The following ZNF713 variants were observed in gnomAD, a reference collection of about 807,000 sequenced individuals.
ZNF713 encodes zinc finger protein 713.
ZNF713 carries 21 observed loss-of-function variants against 28.7 expected under a neutral mutation model. The observed-to-expected ratio is 0.73, with a 90% CI of 0.52 to 1.05. The LOEUF is 1.05. Ranked by LOEUF, ZNF713 falls within the 50% of genes least tolerant of loss-of-function variation. ZNF713 has a pLI of 0.00. For synonymous variants in ZNF713, 167 were observed against 178.0 expected (o/e 0.94, Z 0.49); for missense variants, 458 against 532.4 (o/e 0.86, Z 1.37).
At chr7:55,903,465 T>A (rs1486446269) in intron 1 of ZNF713, among the ~76,000 whole-genome samples, 2 of 149,480 alleles carry the variant, frequency 1.3e-5, no homozygotes, top group Non-Finnish European at 3.0e-5. Flanking sequence ...AGGTCAGGAG[T>A]TCAAGACCAG....
rs1562751744 is a variant in ZNF713 at position 55,940,357 on chromosome 7, C to A, written c.*351C>A. Reference sequence around the variant, plus strand: ...CAGGCTGGTCTCGAACTCCTAACCTCAGGTGATCCGCCCACCTCGGCCTCC... The same window carrying A: ...CAGGCTGGTCTCGAACTCCTAACCTAAGGTGATCCGCCCACCTCGGCCTCC... On this transcript the variant is annotated 3_prime_UTR_variant, in exon 7 of 7. Transcript: ENST00000429591. 1.3e-6 allele frequency: 1 copy of A among 762,678 alleles called. No individual in the cohort carries two copies. The highest frequency in any genetic ancestry group is 7.0e-4 in the Middle Eastern group (1 of 1,438). The allele number at this position is 762,678 out of a possible 1,614,324, so 47.2% of individuals were successfully genotyped here. A position where few individuals can be genotyped will look rare whatever the true frequency, so the allele number is the denominator to read the frequency against.
intron 1 of ZNF713, among the ~76,000 whole-genome samples, chr7:55,888,309 C>G (rs917968750): frequency 3.3e-5 from 5 of 152,142 alleles, no homozygotes; most frequent in African/African-American, 9.7e-5. Flanking sequence ...TCCGTTGAGT[C>G]ACTTTTCCAC....
intron 1 of ZNF713, among the ~76,000 whole-genome samples, chr7:55,903,283 C>A (rs1337035423): frequency 1.3e-5 from 2 of 151,976 alleles, no homozygotes; most frequent in African/African-American, 2.4e-5. Flanking sequence ...ACCAGATAGA[C>A]CAGGTTCCTA....
chr7:55,895,555 A>G (rs1033857274), intron 1 of ZNF713, among the ~76,000 whole-genome samples: 1 of 132,930 alleles, frequency 7.5e-6, no homozygotes, highest in Non-Finnish European at 1.5e-5. Context: ...TGTAACCTCC[A>G]TCTCCTGGTT....
intron 6 of ZNF713, among the ~76,000 whole-genome samples, chr7:55,930,552 A>G (rs1786189568): frequency 6.6e-6 from 1 of 152,204 alleles, no homozygotes; most frequent in South Asian, 2.1e-4. Flanking sequence ...GCTTGAGCTC[A>G]GGAGTTCAGG....
At chr7:55,936,433 G>A (rs1786347778) in intron 6 of ZNF713, among the ~76,000 whole-genome samples, 1 of 152,098 alleles carries the variant, frequency 6.6e-6, no homozygotes, top group African/African-American at 2.4e-5. Flanking sequence ...AGTTTCCCAT[G>A]ACAGTTCCTG....
intron 6 of ZNF713, among the ~76,000 whole-genome samples, chr7:55,929,042 G>T (rs553321432): frequency 1.3e-5 from 2 of 151,892 alleles, no homozygotes; most frequent in East Asian, 3.9e-4. Context: ...AAAGGCTGAA[G>T]CAGGAGGATC....
rs71533249 is a variant in ZNF713, at chr7:55,927,896, C to CAAAAAAAAAAAAAAAAAAAA, written c.307+4202_307+4221dup. 6.7e-5 allele frequency among the ~76,000 whole-genome samples: 3 copies of CAAAAAAAAAAAAAAAAAAAA among 44,940 alleles called. 1 individual carries two copies. Among genetic ancestry groups the CAAAAAAAAAAAAAAAAAAAA allele is most frequent in the African/African-American group, 9.5e-5 (1 of 10,478 alleles). The allele number at this position is 44,940 out of a possible 152,430, so 29.5% of individuals were successfully genotyped here. On this transcript the variant is annotated intron_variant, in intron 6 of 6. Transcript: ENST00000429591. ...TGGGTGACAGAGCAAGACTCTGTCT[C>CAAAAAAAAAAAAAAAAAAAA]AAAAAAAAAAAAAAAAAAAAAAAAG...
At chr7:55,925,389 G>A (rs988713943) in intron 6 of ZNF713, among the ~76,000 whole-genome samples, 12 of 152,138 alleles carry the variant, frequency 7.9e-5, no homozygotes, top group Middle Eastern at 3.2e-3. Context: ...TTGGGAGGCC[G>A]AGGCGGGCAG....
chr7:55,927,667 TGGAC>T (rs1786126102), intron 6 of ZNF713, among the ~76,000 whole-genome samples: 1 of 151,840 alleles, frequency 6.6e-6, no homozygotes, highest in Non-Finnish European at 1.5e-5. Flanking sequence ...GAGGCCGAGA[TGGAC>T]GGATCACTTG....
chr7:55,923,148 G>A lies in ZNF713; in HGVS notation c.88-14G>A, dbSNP rs200331243. ...ACCGTTTTTGCCTGAGCAGGGATGTGCTTGATGTTTCAGGAATCACTGACG... is the reference window on the plus strand; with the variant it reads ...ACCGTTTTTGCCTGAGCAGGGATGTACTTGATGTTTCAGGAATCACTGACG... On this transcript the variant is annotated splice_polypyrimidine_tract_variant and intron_variant, in intron 4 of 6. Transcript: ENST00000429591. 2.5e-5 allele frequency: 40 copies of A among 1,607,706 alleles called. No individual in the cohort carries two copies. The South Asian group carries it at 3.9e-4, about 16-fold the overall frequency.
At chr7:55,899,491 C>A (rs545797201) in intron 1 of ZNF713, among the ~76,000 whole-genome samples, 7 of 141,300 alleles carry the variant, frequency 5.0e-5, no homozygotes, top group Non-Finnish European at 1.5e-5. Flanking sequence ...GCCAAGATGG[C>A]GAGACCCCAT....
At chr7:55,916,127 G>A (rs1785877641) in intron 4 of ZNF713, among the ~76,000 whole-genome samples, 1 of 152,168 alleles carries the variant, frequency 6.6e-6, no homozygotes, top group Non-Finnish European at 1.5e-5. Context: ...TATTGGTAAT[G>A]GTAAATCAGA....
chr7:55,917,802 CA>C (rs1785913971), intron 4 of ZNF713, among the ~76,000 whole-genome samples: 1 of 151,810 alleles, frequency 6.6e-6, no homozygotes, highest in African/African-American at 2.4e-5. Flanking sequence ...GTACTGCAAA[CA>C]AGAGGAAATT....
intron 6 of ZNF713, among the ~76,000 whole-genome samples, chr7:55,936,843 G>C (rs1034951018): frequency 1.3e-4 from 20 of 152,118 alleles, no homozygotes; most frequent in African/African-American, 4.8e-4. Flanking sequence ...GGGTGAGGGG[G>C]AGGTGTCTAG....
chr7:55,922,668 C>T (rs533342145), intron 4 of ZNF713, among the ~76,000 whole-genome samples: 1 of 152,148 alleles, frequency 6.6e-6, no homozygotes, highest in African/African-American at 2.4e-5. Flanking sequence ...GCTGAAGGCT[C>T]AGATGATCAT....
At chr7:55,889,694 T>A (rs868039) in intron 1 of ZNF713, among the ~76,000 whole-genome samples, 3 of 151,954 alleles carry the variant, frequency 2.0e-5, no homozygotes, top group African/African-American at 4.8e-5. Context: ...ACTTTTTTTT[T>A]ACCCCCAAAA....
intron 6 of ZNF713, among the ~76,000 whole-genome samples, chr7:55,933,440 C>A (rs1786283005): frequency 6.6e-6 from 1 of 151,576 alleles, no homozygotes; most frequent in Non-Finnish European, 1.5e-5. Flanking sequence ...GGATTACAGG[C>A]ATGTGCCACC....
intron 2 of ZNF713, among the ~76,000 whole-genome samples, chr7:55,907,891 T>C (rs769452299): frequency 6.6e-6 from 1 of 152,186 alleles, no homozygotes; most frequent in South Asian, 2.1e-4. Flanking sequence ...TCCATGACTT[T>C]GCTGTTGTGA....
Sources: allele counts gnomAD v4.1 joint callset (sites outside exome capture counted in the v4.1 genomes callset), GRCh38; gene constraint gnomAD v4.1.1; transcripts MANE v1.5; gene names NCBI Gene and HGNC (gene_info 2026-07-23, HGNC 2026-07-21).